Variants in MSH6 observed in about 807,000 individuals in gnomAD.
The protein encoded by MSH6 is DNA mismatch repair protein Msh6.
MSH6 carries 85 observed loss-of-function variants against 119.1 expected under a neutral mutation model. The observed-to-expected ratio is 0.71, with a 90% CI of 0.60 to 0.85. The LOEUF (loss-of-function observed/expected upper bound fraction) is 0.85. MSH6 is among the 40% of genes least tolerant of loss of function. The pLI is 0.00. For missense variants in MSH6, 2,163 were observed against 1,655.3 expected (o/e 1.31, Z -5.32); for synonymous variants, 830 against 586.9 (o/e 1.41, Z -5.99).
At position 47,798,709 on chromosome 2, in the gene MSH6, C is replaced by G. The variant is rs1553412151; in HGVS notation, c.726C>G (p.Ser242Arg). The stretch of plus-strand genomic sequence containing the variant: ...AGACACAAGGATCTAGGCGAAGTAG[C>G]CGCCAAATAAAAAAACGAAGGGTCA... ...QPKTQGSRRSSRQIKKRRVIS... is the reference protein window; with the variant it reads ...QPKTQGSRRSRRQIKKRRVIS... The change falls in exon 4 of 10, where the codon AGC becomes AGG. Residue 242 changes from serine (S) to arginine (R), a missense_variant. By Grantham distance (110) the Ser-to-Arg change is moderately radical. Coordinates refer to ENST00000234420, the MANE Select transcript of MSH6 (RefSeq NM_000179.3). 6.2e-7 allele frequency: 1 copy of G among 1,614,030 alleles called. No homozygotes were observed. Among genetic ancestry groups the G allele is most frequent in the Non-Finnish European group, 8.5e-7 (1 of 1,180,020 alleles).
intron 3 of MSH6, among the ~76,000 whole-genome samples, chr2:47,797,000 A>T (rs1669138352): frequency 6.6e-6 from 1 of 152,186 alleles, no homozygotes; most frequent in South Asian, 2.1e-4. Context: ...AATGTTATAG[A>T]AGTGAAAAAA....
chr2:47,806,586 T>C lies in MSH6; in HGVS notation c.3936T>C (p.Val1312=), dbSNP rs61753796. 18 of 1,613,638 alleles carry C rather than the reference T, an allele frequency of 1.1e-5. No individual in the cohort carries two copies. The Middle Eastern group carries it at 8.2e-4, about 74-fold the overall frequency. Residue 1312 remains valine (V), a synonymous_variant, in exon 9 of 10, where the codon GTT becomes GTC. Transcript: ENST00000234420. ...GGCTTGCTAATCTCCCAGAGGAAGT[T>C]ATTCAAAAGGGACATAGAAAAGCAA... ...AARLANLPEE[V]IQKGHRKARE...
chr2:47,787,471 C>G (rs1333163356), intron 1 of MSH6, among the ~76,000 whole-genome samples: 1 of 152,120 alleles, frequency 6.6e-6, no homozygotes, highest in East Asian at 1.9e-4. Flanking sequence ...AAAGTTTTAA[C>G]ATTTATTTTG....
intron 4 of MSH6, 43 bp downstream of exon 4, chr2:47,801,198 T>G: frequency 6.3e-7 from 1 of 1,596,686 alleles, no homozygotes; most frequent in Middle Eastern, 1.7e-4. Context: ...TGATAAGTAG[T>G]GCTGTTTGCC....
intron 7 of MSH6, 57 bp downstream of exon 7, chr2:47,805,764 T>G: frequency 8.0e-7 from 1 of 1,252,222 alleles, no homozygotes; most frequent in Non-Finnish European, 1.2e-6. Flanking sequence ...TTTGTACAAA[T>G]AACTATTTTT....
At position 47,803,605 on chromosome 2, in the gene MSH6, G is replaced by A. The variant is rs1114167793; in HGVS notation, c.3358G>A (p.Glu1120Lys). The change falls in exon 5 of 10, where the codon GAG becomes AAG. Residue 1120 changes from glutamate to lysine, a missense_variant. By Grantham distance (56) the Glu-to-Lys change is moderately conservative. Coordinates refer to ENST00000234420, the MANE Select transcript of MSH6 (RefSeq NM_000179.3). ...PNDILIGCEE[E>K]EQENGKAYCV... The stretch of plus-strand genomic sequence containing the variant: ...TGACATTCTAATAGGCTGTGAGGAA[G>A]AGGAGCAGGAAAATGGCAAAGCCTA... The A allele has an allele frequency of 1.2e-6, 2 of 1,614,210 alleles. No homozygotes were observed. Among genetic ancestry groups the A allele is most frequent in the Non-Finnish European group, 1.7e-6 (2 of 1,180,040 alleles).
intron 4 of MSH6, chr2:47,801,361 G>GTTTTTT (rs10666222): frequency 0.026 from 2,292 of 89,486 alleles, 89 homozygotes; most frequent in South Asian, 0.074. Context: ...CCTTTCTTCA[G>GTTTTTT]TTTTTTTTTT....
intron 2 of MSH6, among the ~76,000 whole-genome samples, chr2:47,792,103 A>G (rs1305165514): frequency 1.3e-5 from 2 of 151,504 alleles, no homozygotes; most frequent in African/African-American, 4.9e-5. Flanking sequence ...ACCTCCCCCT[A>G]CCAAAGTGCT....
Position 47,800,588 on chromosome 2 carries a change from T to C in MSH6, c.2605T>C (p.Cys869Arg), listed in dbSNP as rs768941857. ...TGCTCTGGAAGGATTCAAAGTAATG[T>C]GTAAAATTATAGGGATCATGGAAGA... ...LSALEGFKVM[C>R]KIIGIMEEVA... The change falls in exon 4 of 10, where the codon TGT becomes CGT. Residue 869 changes from cysteine to arginine, a missense_variant. Transcript: ENST00000234420. The C allele has an allele frequency of 6.2e-7, 1 of 1,614,080 alleles. No individual in the cohort carries two copies. Among genetic ancestry groups the C allele is most frequent in the South Asian group, 1.1e-5 (1 of 91,076 alleles).
At chr2:47,797,933 C>A (rs890483316) in intron 3 of MSH6, 3 of 212,694 alleles carry the variant, frequency 1.4e-5, no homozygotes, top group Admixed American at 1.3e-4. Context: ...TCAGCACAAT[C>A]TTTTTTATAG....
At position 47,806,483 on chromosome 2, in the gene MSH6, C is replaced by T. The variant is rs201191389; in HGVS notation, c.3833C>T (p.Pro1278Leu). ...ACMVENECED[P>L]SQETITFLYK... ...ATGGTAGAAAATGAATGTGAAGACC[C>T]CAGCCAGGAGACTATTACGTTCCTC... The change falls in exon 9 of 10, where the codon CCC becomes CTC. Residue 1278 changes from proline to leucine, a missense_variant. By Grantham distance (98) the Pro-to-Leu change is moderately conservative. Transcript: ENST00000234420. 8 of 1,613,974 alleles carry T rather than the reference C, an allele frequency of 5.0e-6. No homozygotes were observed. Among genetic ancestry groups the T allele is most frequent in the Non-Finnish European group, 5.9e-6 (7 of 1,179,970 alleles).
At chr2:47,791,827 G>A (rs545943133) in intron 2 of MSH6, among the ~76,000 whole-genome samples, 2 of 151,284 alleles carry the variant, frequency 1.3e-5, no homozygotes, top group South Asian at 2.1e-4. Flanking sequence ...ATAGGCACAC[G>A]CCACGTTGCC....
chr2:47,799,322 C>T lies in MSH6; in HGVS notation c.1339C>T (p.Leu447=), dbSNP rs369709529. 26 of 1,613,758 alleles carry T rather than the reference C, an allele frequency of 1.6e-5. No individual in the cohort carries two copies. In the South Asian group the frequency reaches 2.4e-4, roughly 15 times the overall value. ...HMDALIGVSE[L]GLVFMKGNWA... The stretch of plus-strand genomic sequence containing the variant: ...GGATGCTCTTATTGGAGTCAGTGAA[C>T]TGGGGCTGGTATTCATGAAAGGCAA... The change falls in exon 4 of 10, where the codon CTG becomes TTG. Residue 447 remains leucine (L), a synonymous_variant. Transcript: ENST00000234420.
chr2:47,802,313 T>C (rs1375592772), intron 4 of MSH6, among the ~76,000 whole-genome samples: 1 of 152,180 alleles, frequency 6.6e-6, no homozygotes, highest in Non-Finnish European at 1.5e-5. Context: ...ATTGCTGTTT[T>C]ATAGTTTAGG....
At chr2:47,792,712 C>CCT (rs1456367595) in intron 2 of MSH6, among the ~76,000 whole-genome samples, 2 of 151,980 alleles carry the variant, frequency 1.3e-5, no homozygotes, top group African/African-American at 2.4e-5. Context: ...TGTCACCCAG[C>CCT]CTGGAGTATA....
intron 1 of MSH6, among the ~76,000 whole-genome samples, chr2:47,788,418 C>G (rs1668477085): frequency 6.6e-6 from 1 of 150,544 alleles, no homozygotes; most frequent in Non-Finnish European, 1.5e-5. Flanking sequence ...CCATGCCCAG[C>G]TAATTTTTAT....
intron 2 of MSH6, among the ~76,000 whole-genome samples, chr2:47,793,330 A>ATC (rs1294267200): frequency 3.8e-5 from 5 of 131,096 alleles, no homozygotes; most frequent in Non-Finnish European, 8.7e-5. Context: ...AAAAAAAAAA[A>ATC]AAAAAAAAAA....
chr2:47,791,830 A>T (rs1056514847), intron 2 of MSH6, among the ~76,000 whole-genome samples: 2 of 150,900 alleles, frequency 1.3e-5, no homozygotes, highest in Admixed American at 1.3e-4. Context: ...GGCACACGCC[A>T]CGTTGCCTGG....
chr2:47,805,183 C>CTTTT (rs35781475), intron 6 of MSH6, among the ~76,000 whole-genome samples, 156 bp downstream of exon 6: 1 of 141,138 alleles, frequency 7.1e-6, no homozygotes, highest in Admixed American at 7.1e-5. Context: ...GTCTCTCTCT[C>CTTTT]TTTTTTTTTT....
Sources: allele counts gnomAD v4.1 joint callset (sites outside exome capture counted in the v4.1 genomes callset), GRCh38; gene constraint gnomAD v4.1.1; transcripts MANE v1.5; gene names NCBI Gene and HGNC (gene_info 2026-07-23, HGNC 2026-07-21).